The following HLA-DQA1 variants were observed in gnomAD, a reference collection of about 807,000 sequenced individuals.
HLA-DQA1 encodes the protein HLA class II histocompatibility antigen, DQ alpha 1 chain.
A neutral mutation model predicts 20.7 loss-of-function variants in HLA-DQA1; 10 were observed. That is an observed-to-expected ratio of 0.48 (90% CI 0.30 to 0.82). The LOEUF (loss-of-function observed/expected upper bound fraction) is 0.82, where lower values mean the gene tolerates loss of function less well. Ranked by LOEUF, HLA-DQA1 falls within the 40% of genes least tolerant of loss-of-function variation. HLA-DQA1 has a pLI of 0.07. For missense variants in HLA-DQA1, 127 were observed against 293.0 expected (o/e 0.43, Z 4.14); for synonymous variants, 39 against 109.2 (o/e 0.36, Z 4.01).
At chr6:32,640,485 C>A (rs956978620) in intron 1 of HLA-DQA1, among the ~76,000 whole-genome samples, 5 of 64,338 alleles carry the variant, frequency 7.8e-5, no homozygotes, top group South Asian at 4.8e-4. Context: ...AAGCACACTG[C>A]CCATTAGAGG....
chr6:32,655,152 T>TACAC, the HLA-DQA1 span, among the ~76,000 whole-genome samples: 2,674 of 118,040 alleles, frequency 0.023, 58 homozygotes, highest in East Asian at 0.09. Context: ...AAAAGTCATG[T>TACAC]AGTACCCTGT....
At chr6:32,640,557 GA>G (rs75874670) in intron 1 of HLA-DQA1, among the ~76,000 whole-genome samples, 8,485 of 76,400 alleles carry the variant, frequency 0.11, 2,304 homozygotes, top group African/African-American at 0.16. Flanking sequence ...TCCTTCACAG[GA>G]AAAAAAAAAA....
chr6:32,644,476 G>GGAGTAATA (rs1781748020), downstream of HLA-DQA1: 1 of 151,938 alleles, frequency 6.6e-6, no homozygotes, highest in African/African-American at 2.4e-5. Context: ...CCACAATGTA[G>GGAGTAATA]GAGTAATAAT....
chr6:32,646,967 AG>A (rs1279639247), downstream of HLA-DQA1: 1 of 144,698 alleles, frequency 6.9e-6, no homozygotes, highest in African/African-American at 2.5e-5. Context: ...GACTGTATTA[AG>A]GAATTATCTA....
downstream of HLA-DQA1, among the ~76,000 whole-genome samples, chr6:32,648,109 T>C: frequency 8.7e-6 from 1 of 115,250 alleles, no homozygotes; most frequent in Non-Finnish European, 1.9e-5. Context: ...TAAAATAAGA[T>C]GGTATACAGT....
the HLA-DQA1 span, among the ~76,000 whole-genome samples, chr6:32,654,402 G>A: frequency 8.1e-6 from 1 of 123,216 alleles, no homozygotes; most frequent in Admixed American, 9.3e-5. Flanking sequence ...TCATTTCTCA[G>A]CATCCATGAG....
downstream of HLA-DQA1, among the ~76,000 whole-genome samples, chr6:32,648,480 C>T (rs1338606509): frequency 5.2e-5 from 5 of 96,900 alleles, 2 homozygotes; most frequent in Non-Finnish European, 1.1e-4. Flanking sequence ...GTTCAACATA[C>T]GCAAATCAAT....
intron 1 of HLA-DQA1, among the ~76,000 whole-genome samples, chr6:32,640,958 A>G (rs375608727): frequency 0.024 from 2,019 of 84,800 alleles, 77 homozygotes; most frequent in East Asian, 0.069. Flanking sequence ...AGTAAACCTA[A>G]TTTCTGACTA....
chr6:32,655,152 T>C, the HLA-DQA1 span, among the ~76,000 whole-genome samples: 45,693 of 108,118 alleles, frequency 0.42, 9,068 homozygotes, highest in Middle Eastern at 0.54. Flanking sequence ...AAAAGTCATG[T>C]AGTACCCTGT....
chr6:32,638,699 G>GAGGAAGGA (rs34024030), intron 1 of HLA-DQA1, among the ~76,000 whole-genome samples: 6,640 of 76,828 alleles, frequency 0.086, 1,710 homozygotes, highest in African/African-American at 0.11. Context: ...GAAAGAAAGC[G>GAGGAAGGA]AGGAAGGAAG....
chr6:32,650,710 G>T (rs112736406), downstream of HLA-DQA1, among the ~76,000 whole-genome samples: 14,341 of 88,478 alleles, frequency 0.16, 5,350 homozygotes, highest in South Asian at 0.4. Flanking sequence ...GGGAGTCGGG[G>T]GTTGGGGGAG....
At chr6:32,643,980 T>G (rs9273024), downstream of HLA-DQA1, 1 of 150,158 alleles carries the variant, frequency 6.7e-6, no homozygotes, top group African/African-American at 2.5e-5. Context: ...CCTGTGCCAC[T>G]CTGGCATGAA....
chr6:32,641,009 T>A (rs1781353330), intron 1 of HLA-DQA1, among the ~76,000 whole-genome samples: 1 of 111,428 alleles, frequency 9.0e-6, no homozygotes, highest in Non-Finnish European at 2.0e-5. Context: ...TTCCTTCTTT[T>A]GTTCAATTAC....
rs373248047 is a variant in HLA-DQA1 at position 32,637,551 on chromosome 6, G to A, written c.82+11G>A. 9.3e-5 allele frequency: 98 copies of A among 1,059,446 alleles called. 16 individuals carry two copies. The African/African-American group carries it at 1.1e-3, about 12-fold the overall frequency. The allele number at this position is 1,059,446 out of a possible 1,614,324, so 65.6% of individuals were successfully genotyped here. A position where few individuals can be genotyped will look rare whatever the true frequency, so the allele number is the denominator to read the frequency against. ...GTGAAGACATTGTGGGTGAGTGCATGAGTGAGGGATGTTCTCTGGAGCTGA... is the reference window on the plus strand; with the variant it reads ...GTGAAGACATTGTGGGTGAGTGCATAAGTGAGGGATGTTCTCTGGAGCTGA... On this transcript the variant is annotated intron_variant, in intron 1 of 4. Coordinates refer to ENST00000343139, the MANE Select transcript of HLA-DQA1 (RefSeq NM_002122.5).
Position 32,641,307 on chromosome 6 carries a change from C to A in HLA-DQA1, c.83-3C>A. ...CTTCCTGCTTGTCATCTTCACTCAT[C>A]AGCTGACCACGTTGCCTCTTGTGGT... On this transcript the variant is annotated splice_region_variant and splice_polypyrimidine_tract_variant and intron_variant, in intron 1 of 4. Coordinates refer to ENST00000343139, the MANE Select transcript of HLA-DQA1 (RefSeq NM_002122.5). 1 of 1,259,918 alleles carries A rather than the reference C, an allele frequency of 7.9e-7. No individual in the cohort carries two copies. Among genetic ancestry groups the A allele is most frequent in the Non-Finnish European group, 1.1e-6 (1 of 908,678 alleles). 78.0% of individuals were successfully genotyped at this position (1,259,918 alleles called of 1,614,324 possible).
At chr6:32,652,124 CA>C in the HLA-DQA1 span, among the ~76,000 whole-genome samples, 2 of 91,896 alleles carry the variant, frequency 2.2e-5, 1 homozygote, top group African/African-American at 7.5e-5. Flanking sequence ...ACTAAAAATA[CA>C]AAAAAAATTA....
At chr6:32,640,648 C>A (rs34430979) in intron 1 of HLA-DQA1, among the ~76,000 whole-genome samples, 8,252 of 114,092 alleles carry the variant, frequency 0.072, 857 homozygotes, top group Admixed American at 0.094. Context: ...TTGCTCTCCT[C>A]TAAGGACCAT....
At chr6:32,651,516 G>A (rs1441492118), downstream of HLA-DQA1, among the ~76,000 whole-genome samples, 1 of 74,224 alleles carries the variant, frequency 1.3e-5, no homozygotes, top group Non-Finnish European at 2.8e-5. Context: ...CGCGGGAGGT[G>A]GAGCTTGCAG....
intron 1 of HLA-DQA1, among the ~76,000 whole-genome samples, 171 bp from the exon 2 acceptor site, chr6:32,641,139 G>T (rs1781365364): frequency 1.7e-5 from 2 of 119,402 alleles, no homozygotes; most frequent in Admixed American, 9.5e-5. Flanking sequence ...ACTTTTAACT[G>T]GACAACTACC....
Sources: allele counts gnomAD v4.1 joint callset (sites outside exome capture counted in the v4.1 genomes callset), GRCh38; gene constraint gnomAD v4.1.1; transcripts MANE v1.5; gene names NCBI Gene and HGNC (gene_info 2026-07-23, HGNC 2026-07-21).